Variants in CNTNAP5 observed in about 807,000 individuals in gnomAD.
CNTNAP5 encodes the protein contactin associated protein family member 5.
In CNTNAP5, 72 loss-of-function variants were observed where a neutral mutation model predicts 150.2. The ratio of observed to expected loss-of-function variants is 0.48; its 90% CI spans 0.40 to 0.58. CNTNAP5 has a LOEUF of 0.58. CNTNAP5 is among the 20% of genes least tolerant of loss of function. CNTNAP5 has a pLI of 0.00. For synonymous variants in CNTNAP5, 672 were observed against 619.8 expected, an observed-to-expected ratio of 1.08 and a Z score of -1.25; for missense variants, 1,636 against 1,626.2, an observed-to-expected ratio of 1.01 and a Z score of -0.10.
chr2:124,212,170 TCTA>T (rs1686031327), intron 1 of CNTNAP5, among the ~76,000 whole-genome samples: 1 of 152,236 alleles, frequency 6.6e-6, no homozygotes. Context: ...AGACATCATC[TCTA>T]CTTTTAATTT....
chr2:124,462,224 T>C (rs1428812759), intron 6 of CNTNAP5, among the ~76,000 whole-genome samples: 1 of 152,026 alleles, frequency 6.6e-6, no homozygotes, highest in Non-Finnish European at 1.5e-5. Flanking sequence ...GTTTTCCCTC[T>C]GAGGAGAGAA....
chr2:124,357,260 T>C (rs1395856114), intron 3 of CNTNAP5, among the ~76,000 whole-genome samples: 1 of 152,200 alleles, frequency 6.6e-6, no homozygotes, highest in Non-Finnish European at 1.5e-5. Flanking sequence ...TTAGGTTGCC[T>C]GTTCACTCTG....
chr2:124,536,585 T>C (rs13383714), intron 10 of CNTNAP5, among the ~76,000 whole-genome samples: 4,932 of 152,218 alleles, frequency 0.032, 258 homozygotes, highest in African/African-American at 0.11. Flanking sequence ...TATCTTAGTA[T>C]TTGGAAAAGC....
chr2:124,676,020 T>C lies in CNTNAP5; in HGVS notation c.2077+28062T>C, dbSNP rs570104536. 2.8e-4 allele frequency among the ~76,000 whole-genome samples: 43 copies of C among 152,336 alleles called. 1 individual carries two copies. In the South Asian group the frequency reaches 8.9e-3, roughly 32 times the overall value. ...GGTTTGTTTTCTGTTGTTTTTATTG[T>C]TTCTGATGATGTTTAATTGTTTACT... On this transcript the variant is annotated intron_variant, in intron 13 of 23. Transcript: ENST00000682447.
At chr2:124,241,721 T>G (rs1050135426) in intron 2 of CNTNAP5, among the ~76,000 whole-genome samples, 2 of 152,080 alleles carry the variant, frequency 1.3e-5, no homozygotes, top group African/African-American at 4.8e-5. Context: ...TTGACCATGA[T>G]AGGTTCATAG....
intron 2 of CNTNAP5, among the ~76,000 whole-genome samples, chr2:124,227,955 C>A (rs1031349794): frequency 1.3e-5 from 2 of 151,870 alleles, no homozygotes; most frequent in African/African-American, 4.8e-5. Context: ...CACATATACA[C>A]ATATATATGA....
chr2:124,445,604 T>G (rs1338055974), intron 5 of CNTNAP5, among the ~76,000 whole-genome samples: 2 of 152,156 alleles, frequency 1.3e-5, no homozygotes, highest in Admixed American at 6.5e-5. Flanking sequence ...GCAACCAAGT[T>G]ACTCAGTGAA....
chr2:124,056,159 T>C (rs1433841275), intron 1 of CNTNAP5, among the ~76,000 whole-genome samples: 2 of 152,194 alleles, frequency 1.3e-5, no homozygotes, highest in Non-Finnish European at 2.9e-5. Flanking sequence ...ACCTCTCTTA[T>C]ATACTCTTCC....
chr2:124,907,762 C>T lies in CNTNAP5; in HGVS notation c.3656-3705C>T, dbSNP rs151133147. ...ACTATTGAAATAAATGAATAACTAC[C>T]CCAAGGGTTACTTTGCCGAAGGTGT... On this transcript the variant is annotated intron_variant, in intron 22 of 23. Coordinates refer to ENST00000682447, the MANE Select transcript of CNTNAP5 (RefSeq NM_001367498.1). Among the ~76,000 whole-genome samples, 154 of 150,210 alleles carry T rather than the reference C, an allele frequency of 1.0e-3. 2 individuals carry two copies. Among genetic ancestry groups the T allele is most frequent in the African/African-American group, 3.5e-3 (143 of 40,948 alleles).
chr2:124,750,868 C>T (rs1041782979), intron 14 of CNTNAP5, among the ~76,000 whole-genome samples: 1 of 150,824 alleles, frequency 6.6e-6, no homozygotes, highest in Non-Finnish European at 1.5e-5. Flanking sequence ...CCTGTAGTTT[C>T]AGCTACTCAG....
At chr2:124,655,938 AGAGAGAG>A (rs1558722333) in intron 13 of CNTNAP5, among the ~76,000 whole-genome samples, 3 of 91,194 alleles carry the variant, frequency 3.3e-5, no homozygotes, top group African/African-American at 9.4e-5. Flanking sequence ...AGAGAGAGAG[AGAGAGAG>A]AGAAAGAAAG....
At chr2:124,195,367 C>A (rs902398662) in intron 1 of CNTNAP5, among the ~76,000 whole-genome samples, 1 of 152,116 alleles carries the variant, frequency 6.6e-6, no homozygotes, top group Non-Finnish European at 1.5e-5. Context: ...GCAGTGAACC[C>A]CCTTGCGCAG....
intron 1 of CNTNAP5, among the ~76,000 whole-genome samples, chr2:124,131,435 G>T (rs1299040336): frequency 6.6e-6 from 1 of 152,170 alleles, no homozygotes; most frequent in African/African-American, 2.4e-5. Flanking sequence ...AGGAAATGGA[G>T]AAGGGTTAAG....
chr2:124,210,254 AAAAG>A (rs1685971282), intron 1 of CNTNAP5, among the ~76,000 whole-genome samples: 1 of 152,200 alleles, frequency 6.6e-6, no homozygotes, highest in African/African-American at 2.4e-5. Context: ...ATATTTATCT[AAAAG>A]AAAGACGAGA....
At position 124,914,217 on chromosome 2, in the gene CNTNAP5, G is replaced by A; in HGVS notation, c.3853G>A (p.Asp1285Asn). The A allele has an allele frequency of 6.2e-7, 1 of 1,612,632 alleles. No homozygotes were observed. Among genetic ancestry groups the A allele is most frequent in the Non-Finnish European group, 8.5e-7 (1 of 1,179,084 alleles). The change falls in exon 24 of 24, where the codon GAC becomes AAC. Residue 1285 changes from aspartate to asparagine, a missense_variant. Coordinates refer to ENST00000682447, the MANE Select transcript of CNTNAP5 (RefSeq NM_001367498.1). Reference protein sequence around the residue: ...MKEKEYPENLDSSFRNEIDLQ... With the variant: ...MKEKEYPENLNSSFRNEIDLQ... ...GGAGAAGGAATATCCAGAAAATTTG[G>A]ACAGTTCCTTCAGAAATGAAATTGA...
At position 124,658,817 on chromosome 2, in the gene CNTNAP5, C is replaced by T. The variant is rs559775266; in HGVS notation, c.2077+10859C>T. On this transcript the variant is annotated intron_variant, in intron 13 of 23. Coordinates refer to ENST00000682447, the MANE Select transcript of CNTNAP5 (RefSeq NM_001367498.1). ...AGATATGGAAACGAAATTATACCAACTACACAGATGAGGTTAATGGGTCTG... is the reference window on the plus strand; with the variant it reads ...AGATATGGAAACGAAATTATACCAATTACACAGATGAGGTTAATGGGTCTG... Among the ~76,000 whole-genome samples, 67 of 152,292 alleles carry T rather than the reference C, an allele frequency of 4.4e-4. 1 individual carries two copies. Among genetic ancestry groups the T allele is most frequent in the Middle Eastern group, 6.8e-3 (2 of 294 alleles).
In CNTNAP5 at chr2:124,426,651, C is replaced by A. The variant is rs559811297; in HGVS notation, c.530-7833C>A. 3.3e-5 allele frequency among the ~76,000 whole-genome samples: 5 copies of A among 152,298 alleles called. No homozygotes were observed. In the East Asian group the frequency reaches 9.7e-4, roughly 29 times the overall value. ...AAGCTGACTCTTTGTCCCTGGCCCA[C>A]TCAGGAGCCCAGCTGGCCCACTTGG... On this transcript the variant is annotated intron_variant, in intron 4 of 23. Coordinates refer to ENST00000682447, the MANE Select transcript of CNTNAP5 (RefSeq NM_001367498.1).
In CNTNAP5 at chr2:124,177,850, C is replaced by CTTT. The variant is rs35920642; in HGVS notation, c.83-43843_83-43841dup. Among the ~76,000 whole-genome samples the CTTT allele has an allele frequency of 3.1e-3, 440 of 141,716 alleles. 4 individuals carry two copies. Among genetic ancestry groups the CTTT allele is most frequent in the African/African-American group, 0.01 (401 of 38,604 alleles). 93.0% of individuals were successfully genotyped at this position (141,716 alleles called of 152,430 possible). ...TTTTGTTTGTTTTGTTTATGGTTTA[C>CTTT]TTTTTTTTTTTTTTGAAACAGAGTT... On this transcript the variant is annotated intron_variant, in intron 1 of 23. Transcript: ENST00000682447.
chr2:124,423,938 A>G (rs1692181731), intron 4 of CNTNAP5, among the ~76,000 whole-genome samples: 2 of 152,086 alleles, frequency 1.3e-5, no homozygotes, highest in South Asian at 4.1e-4. Context: ...TGCTGGGATT[A>G]CAGGCGTGAG....
Sources: gnomAD v4.1 joint callset for allele counts (sites outside exome capture counted in the v4.1 genomes callset) on GRCh38, gnomAD v4.1.1 for gene constraint, MANE v1.5 for transcripts, NCBI Gene and HGNC (gene_info 2026-07-23, HGNC 2026-07-21) for gene names.